SELENOF: variants seen among roughly 807,000 people sequenced by gnomAD.
SELENOF encodes selenoprotein F.
Under a neutral mutation model 20.5 loss-of-function variants are expected in SELENOF, and 16 were observed. That is an observed-to-expected ratio of 0.78 (90% CI 0.53 to 1.19). SELENOF has a LOEUF of 1.19. Among genes scored for constraint, SELENOF ranks in the 50% most tolerant of loss-of-function variants. The pLI is 0.00. For synonymous variants in SELENOF, 78 were observed against 74.5 expected, an observed-to-expected ratio of 1.05 and a Z score of -0.24; for missense variants, 215 against 194.2, an observed-to-expected ratio of 1.11 and a Z score of -0.64.
At chr1:86,913,910 G>A (rs1660059895) in intron 1 of SELENOF, 118 bp downstream of exon 1, 4 of 922,126 alleles carry the variant, frequency 4.3e-6, no homozygotes, top group South Asian at 2.7e-5. Flanking sequence ...GGCCGCAGCA[G>A]TCATTAAGGA....
At chr1:86,893,912 A>T (rs1659453883) in intron 2 of SELENOF, among the ~76,000 whole-genome samples, 1 of 152,212 alleles carries the variant, frequency 6.6e-6, no homozygotes. Flanking sequence ...TATGTTATAC[A>T]CTGCTTAGGT....
At chr1:86,876,148 AAG>A (rs1163989262) in intron 3 of SELENOF, among the ~76,000 whole-genome samples, 1 of 151,672 alleles carries the variant, frequency 6.6e-6, no homozygotes, top group Non-Finnish European at 1.5e-5. Flanking sequence ...CTTTTGGATA[AAG>A]ATGTTAAGGT....
intron 2 of SELENOF, 102 bp from the exon 3 acceptor site, chr1:86,880,827 T>C: frequency 1.5e-6 from 1 of 687,820 alleles, no homozygotes; most frequent in Non-Finnish European, 2.3e-6. Flanking sequence ...AGTTAGCAGA[T>C]ATATAGATCA....
Position 86,903,405 on chromosome 1 carries a change from T to A in SELENOF, c.128A>T (p.Glu43Val). The change falls in exon 2 of 5, where the codon GAG becomes GTG. Residue 43 changes from glutamate to valine, a missense_variant. Physicochemically the swap from Glu to Val is moderately radical, Grantham distance 121. Coordinates refer to ENST00000331835, the MANE Select transcript of SELENOF (RefSeq NM_004261.5). Reference protein sequence around the residue: ...GAEFSSEACRELGFSSNLLCS... With the variant: ...GAEFSSEACRVLGFSSNLLCS... ...AAGCAAGTTGCTAGAAAAGCCTAAC[T>A]CTCTGCATGCCTCCGATGAAAACTC... 1 of 1,611,088 alleles carries A rather than the reference T, an allele frequency of 6.2e-7. No homozygotes were observed. The highest frequency in any genetic ancestry group is 8.5e-7 in the Non-Finnish European group (1 of 1,178,642).
At chr1:86,887,470 T>A (rs1330710556) in intron 2 of SELENOF, among the ~76,000 whole-genome samples, 2 of 152,138 alleles carry the variant, frequency 1.3e-5, no homozygotes, top group Non-Finnish European at 2.9e-5. Flanking sequence ...GCAAGTAACA[T>A]CTACCTTGAT....
intron 2 of SELENOF, among the ~76,000 whole-genome samples, chr1:86,899,265 A>G (rs1426296335): frequency 6.6e-6 from 1 of 150,926 alleles, no homozygotes; most frequent in South Asian, 2.1e-4. Flanking sequence ...CAAAACCACC[A>G]TTGTCATCAT....
At chr1:86,868,613 T>C (rs1209398504) in intron 3 of SELENOF, among the ~76,000 whole-genome samples, 1 of 151,992 alleles carries the variant, frequency 6.6e-6, no homozygotes, top group Admixed American at 6.6e-5. Flanking sequence ...GCAGTGTGTA[T>C]GAGTTACTCA....
intron 2 of SELENOF, among the ~76,000 whole-genome samples, chr1:86,902,353 G>A (rs938139444): frequency 1.3e-5 from 2 of 152,136 alleles, no homozygotes; most frequent in African/African-American, 4.8e-5. Flanking sequence ...TTAAATTTTG[G>A]CTGAATACTA....
chr1:86,882,407 AG>A (rs968171944), intron 2 of SELENOF, among the ~76,000 whole-genome samples: 5 of 151,864 alleles, frequency 3.3e-5, no homozygotes, highest in African/African-American at 1.2e-4. Context: ...AAGCTAATGA[AG>A]GGATGGTCAA....
At chr1:86,899,862 C>G (rs377111989) in intron 2 of SELENOF, among the ~76,000 whole-genome samples, 29,817 of 141,426 alleles carry the variant, frequency 0.21, 3,342 homozygotes, top group African/African-American at 0.34. Context: ...GGTCTCCTCC[C>G]TTCTCAGATG....
At chr1:86,884,560 G>A (rs1348054420) in intron 2 of SELENOF, among the ~76,000 whole-genome samples, 1 of 152,116 alleles carries the variant, frequency 6.6e-6, no homozygotes, top group Non-Finnish European at 1.5e-5. Flanking sequence ...TGAAATATAT[G>A]CTACTTATAA....
chr1:86,867,706 A>G (rs887515932), intron 4 of SELENOF, among the ~76,000 whole-genome samples: 2 of 151,930 alleles, frequency 1.3e-5, no homozygotes, highest in Admixed American at 1.3e-4. Context: ...TGCTAATGCG[A>G]ACTATTAAAT....
chr1:86,905,404 C>G (rs1196013992), intron 1 of SELENOF, among the ~76,000 whole-genome samples: 2 of 152,150 alleles, frequency 1.3e-5, no homozygotes, highest in African/African-American at 4.8e-5. Flanking sequence ...CACTTCTTCA[C>G]CTTGTAACAT....
chr1:86,868,927 C>T (rs948343920), intron 3 of SELENOF, among the ~76,000 whole-genome samples: 5 of 151,986 alleles, frequency 3.3e-5, no homozygotes, highest in African/African-American at 1.2e-4. Flanking sequence ...TAAAAGGGCT[C>T]TTACAAATAA....
intron 2 of SELENOF, among the ~76,000 whole-genome samples, chr1:86,886,595 T>C (rs995755107): frequency 7.9e-5 from 12 of 152,282 alleles, no homozygotes; most frequent in South Asian, 4.1e-4. Flanking sequence ...ACTTGGTTTT[T>C]ATCCTCCTAA....
chr1:86,910,434 G>A (rs992093471), intron 1 of SELENOF, among the ~76,000 whole-genome samples: 8 of 152,150 alleles, frequency 5.3e-5, no homozygotes, highest in Non-Finnish European at 7.4e-5. Context: ...GGCTGGGCGC[G>A]GTGGCTCACG....
At chr1:86,907,243 G>A (rs1351187967) in intron 1 of SELENOF, among the ~76,000 whole-genome samples, 1 of 152,190 alleles carries the variant, frequency 6.6e-6, no homozygotes, top group Non-Finnish European at 1.5e-5. Context: ...AGTAGGTACT[G>A]AATACATGTT....
chr1:86,872,499 G>A (rs1658801359), intron 3 of SELENOF, among the ~76,000 whole-genome samples: 1 of 151,840 alleles, frequency 6.6e-6, no homozygotes, highest in African/African-American at 2.4e-5. Context: ...CTCCCGAGCA[G>A]CTGGGATTAC....
At chr1:86,883,635 C>T (rs1570386857) in intron 2 of SELENOF, among the ~76,000 whole-genome samples, 1 of 152,108 alleles carries the variant, frequency 6.6e-6, no homozygotes, top group Admixed American at 6.5e-5. Flanking sequence ...CCTTTAGAAA[C>T]TCTTGGTGGA....
Sources: allele counts gnomAD v4.1 joint callset (sites outside exome capture counted in the v4.1 genomes callset), GRCh38; gene constraint gnomAD v4.1.1; transcripts MANE v1.5; gene names NCBI Gene and HGNC (gene_info 2026-07-23, HGNC 2026-07-21).